Variants in STX1B observed in about 807,000 individuals in gnomAD.
STX1B encodes the protein syntaxin 1B, also known as syntaxin-1B.
Under a neutral mutation model 39.4 loss-of-function variants are expected in STX1B, and 7 were observed. The ratio of observed to expected loss-of-function variants is 0.18; its 90% confidence interval spans 0.10 to 0.33. The LOEUF is 0.33. Ranked by LOEUF, STX1B falls within the 10% of genes least tolerant of loss-of-function variation. STX1B has a pLI of 1.00. For synonymous variants in STX1B, 136 were observed against 144.1 expected (o/e 0.94, Z 0.40); for missense variants, 198 against 383.2 (o/e 0.52, Z 4.04).
intron 7 of STX1B, chr16:30,996,179 G>GA (rs916698065): frequency 1.3e-4 from 18 of 143,894 alleles, no homozygotes; most frequent in East Asian, 2.0e-4. Flanking sequence ...CCGTCTTGAA[G>GA]AAAAAAAAAA....
At chr16:31,008,950 A>G (rs1018201453) in intron 1 of STX1B, among the ~76,000 whole-genome samples, 1 of 152,194 alleles carries the variant, frequency 6.6e-6, no homozygotes, top group African/African-American at 2.4e-5. Context: ...TGCATAAAAC[A>G]CTTCAAACAA....
intron 4 of STX1B, among the ~76,000 whole-genome samples, chr16:30,999,575 G>C (rs1193238252): frequency 3.9e-5 from 6 of 152,318 alleles, no homozygotes; most frequent in African/African-American, 1.4e-4. Flanking sequence ...CCTTAAATTA[G>C]AGTGAATAAA....
In STX1B at chr16:30,996,743, G is replaced by A; in HGVS notation, c.477C>T (p.Thr159=). The part of the protein sequence containing the change: ...QRQLEITGRT[T]TNEELEDMLE... ...GCATGTCTTCCAGTTCTTCGTTGGT[G>A]GTGGTCCTTCCAGCTGCGGGAAGAA... The change falls in exon 7 of 10, where the codon ACC becomes ACT. Residue 159 remains threonine, a synonymous_variant. Coordinates refer to ENST00000215095, the MANE Select transcript of STX1B (RefSeq NM_052874.5). 1.2e-6 allele frequency: 2 copies of A among 1,614,142 alleles called. No individual in the cohort carries two copies. Among genetic ancestry groups the A allele is most frequent in the Non-Finnish European group, 1.7e-6 (2 of 1,179,972 alleles).
chr16:31,007,073 T>A (rs1341995787), intron 1 of STX1B, among the ~76,000 whole-genome samples: 5 of 152,196 alleles, frequency 3.3e-5, no homozygotes, highest in African/African-American at 1.2e-4. Flanking sequence ...ATTGCACCGC[T>A]GCACTCCAGC....
intron 7 of STX1B, 27 bp from the exon 8 acceptor site, chr16:30,993,511 A>G (rs1490595806): frequency 2.5e-6 from 4 of 1,611,302 alleles, no homozygotes; most frequent in African/African-American, 2.7e-5. Flanking sequence ...GAGAGCTACA[A>G]TCACCCTTCT....
chr16:30,994,421 C>CAAAAAA (rs543652303), intron 7 of STX1B, among the ~76,000 whole-genome samples: 4 of 111,332 alleles, frequency 3.6e-5, no homozygotes, highest in African/African-American at 1.5e-4. Context: ...TTGTTTCTAT[C>CAAAAAA]AAAAAAAAAA....
At chr16:31,004,333 GTAT>G (rs961997292) in intron 1 of STX1B, among the ~76,000 whole-genome samples, 5 of 152,102 alleles carry the variant, frequency 3.3e-5, no homozygotes, top group African/African-American at 7.2e-5. Flanking sequence ...CCCCTTGGAG[GTAT>G]TATTATAGCC....
intron 1 of STX1B, among the ~76,000 whole-genome samples, chr16:31,007,269 C>A (rs1475222551): frequency 6.6e-6 from 1 of 152,114 alleles, no homozygotes; most frequent in South Asian, 2.1e-4. Flanking sequence ...CTTTGGGGCA[C>A]GGGGCGGTCC....
At chr16:30,996,843 C>T in intron 6 of STX1B, 87 bp from the exon 7 acceptor site, 1 of 1,571,950 alleles carries the variant, frequency 6.4e-7, no homozygotes, top group South Asian at 1.1e-5. Flanking sequence ...TGGGGCCCAC[C>T]CTCCCACGCC....
intron 7 of STX1B, among the ~76,000 whole-genome samples, chr16:30,994,421 CAAAA>C (rs543652303): frequency 1.2e-4 from 13 of 111,330 alleles, no homozygotes; most frequent in Admixed American, 5.6e-4. Context: ...TTGTTTCTAT[CAAAA>C]AAAAAAAAAA....
chr16:31,002,961 A>G (rs552177676), intron 1 of STX1B, among the ~76,000 whole-genome samples: 1 of 152,260 alleles, frequency 6.6e-6, no homozygotes, highest in South Asian at 2.1e-4. Flanking sequence ...ACAGGCTCAG[A>G]CTGAACTAGC....
chr16:31,000,555 C>T (rs555085185), intron 4 of STX1B, among the ~76,000 whole-genome samples: 98 of 151,734 alleles, frequency 6.5e-4, no homozygotes, highest in African/African-American at 2.3e-3. Flanking sequence ...TGCAGTGGCG[C>T]GATCTCAGCT....
At chr16:30,994,317 G>T (rs2056580227) in intron 7 of STX1B, among the ~76,000 whole-genome samples, 1 of 149,124 alleles carries the variant, frequency 6.7e-6, no homozygotes, top group African/African-American at 2.5e-5. Context: ...AGTCAGTAGG[G>T]AGAGGCCTGT....
intron 1 of STX1B, among the ~76,000 whole-genome samples, chr16:31,008,893 G>C (rs1343429017): frequency 1.3e-5 from 2 of 152,100 alleles, no homozygotes; most frequent in African/African-American, 4.8e-5. Context: ...TATGAAATGA[G>C]ATAACCAGTC....
chr16:31,010,419 C>T lies in STX1B; in HGVS notation c.-23G>A, dbSNP rs1342513309. ...CATCCTGCGACGGCTCCTCCTCCTC[C>T]TCCTAGTCCTCCTGCCTCTGCTGCT... On this transcript the variant is annotated 5_prime_UTR_variant, in exon 1 of 10. Coordinates refer to ENST00000215095, the MANE Select transcript of STX1B (RefSeq NM_052874.5). The T allele has an allele frequency of 1.0e-5, 15 of 1,445,456 alleles. No homozygotes were observed. Among genetic ancestry groups the T allele is most frequent in the South Asian group, 4.5e-5 (3 of 66,326 alleles). 89.5% of individuals were successfully genotyped at this position (1,445,456 alleles called of 1,614,324 possible). A position where few individuals can be genotyped will look rare whatever the true frequency, so the allele number is the denominator to read the frequency against.
chr16:30,997,494 C>G lies in STX1B; in HGVS notation c.354+8G>C. 6.2e-7 allele frequency: 1 copy of G among 1,600,210 alleles called. No homozygotes were observed. The highest frequency in any genetic ancestry group is 8.5e-7 in the Non-Finnish European group (1 of 1,174,472). On this transcript the variant is annotated splice_region_variant and intron_variant, in intron 5 of 9. Coordinates refer to ENST00000215095, the MANE Select transcript of STX1B (RefSeq NM_052874.5). ...CGACCCGACCCCCAATGGGCTGCCG[C>G]CTCCTACCTGGGTCTTGCGGATGCG...
At chr16:30,996,835 G>A (rs2056595161) in intron 6 of STX1B, 79 bp from the exon 7 acceptor site, 1 of 1,580,442 alleles carries the variant, frequency 6.3e-7, no homozygotes, top group Non-Finnish European at 8.7e-7. Context: ...CGGGGACCTG[G>A]GGCCCACCCT....
In STX1B at chr16:30,991,625, TAGGG is replaced by T. The variant is rs973274439; in HGVS notation, c.*1192_*1195del. On this transcript the variant is annotated 3_prime_UTR_variant, in exon 10 of 10. Transcript: ENST00000215095. Reference sequence around the variant, plus strand: ...GGCTCAGGCCTGTAATGCCAGCACTTAGGGAGGCCAAAGTGGGCGGATCACCTGA... The same window carrying T: ...GGCTCAGGCCTGTAATGCCAGCACTTAGGCCAAAGTGGGCGGATCACCTGA... 3.3e-5 allele frequency: 5 copies of T among 152,230 alleles called. No individual in the cohort carries two copies. Among genetic ancestry groups the T allele is most frequent in the Non-Finnish European group, 7.3e-5 (5 of 68,128 alleles). The allele number at this position is 152,230 out of a possible 1,614,324, so 9.4% of individuals were successfully genotyped here.
rs373766713 is a variant in STX1B, at chr16:30,997,076, G to T, written c.355-17C>A. ...TGTGGAGTGCTACGGTGGGGGTGGGGGGACAGACGGATCAGGGAGGTAGTC... is the reference window on the plus strand; with the variant it reads ...TGTGGAGTGCTACGGTGGGGGTGGGTGGACAGACGGATCAGGGAGGTAGTC... On this transcript the variant is annotated splice_polypyrimidine_tract_variant and intron_variant, in intron 5 of 9. Transcript: ENST00000215095. 1.0e-4 allele frequency: 164 copies of T among 1,563,720 alleles called. 1 individual carries two copies. The highest frequency in any genetic ancestry group is 2.8e-4 in the Admixed American group (17 of 59,660).
Sources: allele counts gnomAD v4.1 joint callset (sites outside exome capture counted in the v4.1 genomes callset), GRCh38; gene constraint gnomAD v4.1.1; transcripts MANE v1.5; gene names NCBI Gene and HGNC (gene_info 2026-07-23, HGNC 2026-07-21).